The following MYLK3 variants were observed in gnomAD, a reference collection of about 807,000 sequenced individuals.
MYLK3 encodes the protein MLC kinase.
A neutral mutation model predicts 76.3 loss-of-function variants in MYLK3; 55 were observed. The observed-to-expected ratio is 0.72, with a 90% CI of 0.58 to 0.90. The LOEUF (loss-of-function observed/expected upper bound fraction) is 0.90. Among genes scored for constraint, MYLK3 ranks in the 40% least tolerant of loss-of-function variants. MYLK3 has a pLI of 0.00. For synonymous variants in MYLK3, 416 were observed against 425.4 expected (o/e 0.98, Z 0.27); for missense variants, 973 against 1,053.6 (o/e 0.92, Z 1.06).
chr16:46,747,964 C>A lies in MYLK3; in HGVS notation c.230G>T (p.Gly77Val). Residue 77 changes from glycine to valine, a missense_variant, in exon 1 of 13, where the codon GGG becomes GTG. Around this residue, in one of 2 missense-constraint regions of MYLK3, gnomAD observed 641 missense variants for 637.0 expected, o/e 1.01. Transcript: ENST00000394809. Reference protein sequence around the residue: ...LEASRAPGPGGADGVPHIDTQ... With the variant: ...LEASRAPGPGVADGVPHIDTQ... Reference sequence around the variant, plus strand: ...GTCAATGTGGGGAACCCCATCAGCCCCGCCCGGGCCCGGTGCCCGGGAGGC... The same window carrying A: ...GTCAATGTGGGGAACCCCATCAGCCACGCCCGGGCCCGGTGCCCGGGAGGC... 1 of 1,613,070 alleles carries A rather than the reference C, an allele frequency of 6.2e-7. No individual in the cohort carries two copies. Among genetic ancestry groups the A allele is most frequent in the Non-Finnish European group, 8.5e-7 (1 of 1,179,776 alleles).
intron 8 of MYLK3, 146 bp downstream of exon 8, chr16:46,727,089 TG>T: frequency 1.4e-6 from 1 of 701,224 alleles, no homozygotes; most frequent in Non-Finnish European, 2.2e-6. Context: ...GCAGCAAGAG[TG>T]GCCTGTCCCA....
intron 12 of MYLK3, among the ~76,000 whole-genome samples, chr16:46,708,831 A>G (rs936459448): frequency 6.6e-5 from 10 of 152,222 alleles, no homozygotes; most frequent in African/African-American, 2.4e-5. Flanking sequence ...TGTAAACAAA[A>G]TTATAAAGTT....
At chr16:46,730,350 G>A (rs965962571) in intron 5 of MYLK3, among the ~76,000 whole-genome samples, 4 of 152,210 alleles carry the variant, frequency 2.6e-5, no homozygotes, top group Middle Eastern at 3.4e-3. Context: ...CAGGGTGCCC[G>A]CCCTCCTGAG....
At chr16:46,715,026 G>A (rs1429982507) in intron 9 of MYLK3, among the ~76,000 whole-genome samples, 1 of 152,190 alleles carries the variant, frequency 6.6e-6, no homozygotes, top group African/African-American at 2.4e-5. Context: ...GAACGAAGGT[G>A]GGAAGAGCTG....
At chr16:46,758,266 CCACA>C (rs1164674291) in intron 1 of MYLK3, among the ~76,000 whole-genome samples, 35 of 127,022 alleles carry the variant, frequency 2.8e-4, no homozygotes, top group African/African-American at 1.0e-3. Flanking sequence ...CTCTCTCTCT[CCACA>C]CACACACACA....
Position 46,737,711 on chromosome 16 carries a change from C to A in MYLK3, c.1001G>T (p.Arg334Met). ...CCCAGCCTGGAAGAGCTCCCCTTAC[C>A]TTGGAGGTGTTTCTCCACCACTGTG... ...ATHSGGETPP[R>M]ISIHIQEMDT... is the part of the protein sequence containing the mutation. Residue 334 changes from arginine to methionine, a missense_variant and splice_region_variant, in exon 3 of 13, where the codon AGG becomes ATG. Physicochemically the swap from Arg to Met is moderately conservative, Grantham distance 91. Transcript: ENST00000394809. 2 of 1,594,412 alleles carry A rather than the reference C, an allele frequency of 1.3e-6. No homozygotes were observed. The highest frequency in any genetic ancestry group is 1.1e-5 in the South Asian group (1 of 90,086).
At chr16:46,755,837 T>C (rs1967191185) in intron 1 of MYLK3, among the ~76,000 whole-genome samples, 1 of 151,786 alleles carries the variant, frequency 6.6e-6, no homozygotes, top group African/African-American at 2.4e-5. Flanking sequence ...TGATGGCAGA[T>C]ATGGCAAAAG....
rs777536269 is a variant in MYLK3 at position 46,707,687 on chromosome 16, A to G, written c.*17T>C. ...CCTCAGTAATTTCTGGACCCATTGG[A>G]GCAGCAGAGTTGAAGATTAGGGAGA... is the stretch of plus-strand genomic sequence containing the variant. On this transcript the variant is annotated 3_prime_UTR_variant, in exon 13 of 13. Coordinates refer to ENST00000394809, the MANE Select transcript of MYLK3 (RefSeq NM_182493.3). The G allele has an allele frequency of 1.3e-6, 2 of 1,585,340 alleles. No homozygotes were observed. The highest frequency in any genetic ancestry group is 1.7e-6 in the Non-Finnish European group (2 of 1,154,286).
chr16:46,727,447 T>C (rs1966844896), intron 7 of MYLK3, 70 bp from the exon 8 acceptor site: 7 of 1,521,764 alleles, frequency 4.6e-6, no homozygotes, highest in Admixed American at 1.9e-5. Flanking sequence ...ACTGTCATTA[T>C]AGGGCCAAAA....
chr16:46,716,489 GTA>G (rs72215258), intron 9 of MYLK3, among the ~76,000 whole-genome samples: 7,887 of 70,284 alleles, frequency 0.11, 332 homozygotes, highest in South Asian at 0.27. Flanking sequence ...GTGTGTATGT[GTA>G]TATATATGTG....
At chr16:46,725,606 A>C (rs563643005) in intron 8 of MYLK3, among the ~76,000 whole-genome samples, 6 of 152,334 alleles carry the variant, frequency 3.9e-5, no homozygotes, top group East Asian at 3.9e-4. Context: ...CCAACCTTGC[A>C]TTCTTGGGAT....
At chr16:46,714,761 T>C (rs915565895) in intron 9 of MYLK3, among the ~76,000 whole-genome samples, 5 of 152,156 alleles carry the variant, frequency 3.3e-5, no homozygotes, top group African/African-American at 1.2e-4. Flanking sequence ...GAGCTTGTCC[T>C]CTCCTTCACC....
chr16:46,756,404 T>C (rs760890065), intron 1 of MYLK3, among the ~76,000 whole-genome samples: 3 of 152,156 alleles, frequency 2.0e-5, no homozygotes, highest in Non-Finnish European at 4.4e-5. Context: ...CCATATATCA[T>C]GCACAAAACA....
intron 1 of MYLK3, among the ~76,000 whole-genome samples, chr16:46,743,281 TTA>T (rs1966963882): frequency 6.6e-6 from 1 of 152,184 alleles, no homozygotes; most frequent in African/African-American, 2.4e-5. Context: ...ATTTTCAAAT[TTA>T]ACCGCCAGTT....
chr16:46,753,596 G>T (rs1242684453), intron 1 of MYLK3, among the ~76,000 whole-genome samples: 4 of 152,182 alleles, frequency 2.6e-5, no homozygotes, highest in Non-Finnish European at 4.4e-5. Flanking sequence ...CAGAGAAAAT[G>T]AGAAACAGAA....
chr16:46,738,910 G>A lies in MYLK3; in HGVS notation c.569-767C>T, dbSNP rs1000940021. Among the ~76,000 whole-genome samples, 132 of 152,144 alleles carry A rather than the reference G, an allele frequency of 8.7e-4. 4 individuals carry two copies. The highest frequency in any genetic ancestry group is 8.3e-3 in the Admixed American group (127 of 15,276). On this transcript the variant is annotated intron_variant, in intron 2 of 12. Transcript: ENST00000394809. ...GGCTGGAGTACAGTGGCGTGATCTC[G>A]GCTCACTGCAACCTCCACCTCCCTG...
intron 3 of MYLK3, among the ~76,000 whole-genome samples, chr16:46,736,333 A>G (rs1440035943): frequency 6.6e-6 from 1 of 152,202 alleles, no homozygotes; most frequent in Non-Finnish European, 1.5e-5. Context: ...ACAGGCAGCC[A>G]TGGCCCGTCA....
At chr16:46,739,067 C>T (rs898929327) in intron 2 of MYLK3, among the ~76,000 whole-genome samples, 2 of 152,146 alleles carry the variant, frequency 1.3e-5, no homozygotes, top group Non-Finnish European at 2.9e-5. Flanking sequence ...TCTCGAACTC[C>T]TAACCTCAGC....
At chr16:46,721,289 G>A (rs1966797067) in intron 8 of MYLK3, 96 bp from the exon 9 acceptor site, 2 of 1,130,878 alleles carry the variant, frequency 1.8e-6, no homozygotes, top group East Asian at 4.7e-5. Context: ...AGCCTTCAAG[G>A]GACATGAATG....
Sources: allele counts gnomAD v4.1 joint callset (sites outside exome capture counted in the v4.1 genomes callset), GRCh38; gene constraint gnomAD v4.1.1; regional missense constraint gnomAD v4.1.1; transcripts MANE v1.5; gene names NCBI Gene and HGNC (gene_info 2026-07-23, HGNC 2026-07-21).